The following ARHGAP15 variants were observed in gnomAD, a reference collection of about 807,000 sequenced individuals.
ARHGAP15 encodes the protein rho GTPase-activating protein 15.
Under a neutral mutation model 63.7 loss-of-function variants are expected in ARHGAP15, and 51 were observed. The observed-to-expected ratio is 0.80, with a 90% CI of 0.64 to 1.01. The LOEUF is 1.01. ARHGAP15 is among the 50% of genes least tolerant of loss of function. The pLI, the probability that ARHGAP15 is intolerant of heterozygous loss-of-function variation, is 0.00. For synonymous variants in ARHGAP15, 191 were observed against 193.8 expected (o/e 0.99, Z 0.12); for missense variants, 560 against 564.6 (o/e 0.99, Z 0.08).
intron 2 of ARHGAP15, among the ~76,000 whole-genome samples, chr2:143,201,901 G>A (rs930667656): frequency 2.0e-5 from 3 of 152,052 alleles, no homozygotes; most frequent in African/African-American, 4.8e-5. Flanking sequence ...TGAAGAAAGG[G>A]GTGTCAAGGT....
intron 4 of ARHGAP15, 51 bp from the exon 5 acceptor site, chr2:143,228,530 G>T (rs976422452): frequency 7.7e-7 from 1 of 1,293,226 alleles, no homozygotes. Context: ...ATCTATAAAT[G>T]ATTTCTTCAA....
chr2:143,135,727 T>TC (rs1689109767), intron 1 of ARHGAP15, among the ~76,000 whole-genome samples: 1 of 152,146 alleles, frequency 6.6e-6, no homozygotes, highest in Non-Finnish European at 1.5e-5. Flanking sequence ...ACTTTTTTCT[T>TC]CCAGTTTTCC....
At chr2:143,692,563 G>GA (rs1364468934) in intron 12 of ARHGAP15, among the ~76,000 whole-genome samples, 1 of 152,070 alleles carries the variant, frequency 6.6e-6, no homozygotes, top group Non-Finnish European at 1.5e-5. Flanking sequence ...AAATGAAAAA[G>GA]AATGAAGGAG....
chr2:143,286,446 T>A (rs1461675116), intron 6 of ARHGAP15, among the ~76,000 whole-genome samples: 1 of 152,226 alleles, frequency 6.6e-6, no homozygotes, highest in Non-Finnish European at 1.5e-5. Flanking sequence ...TCTTTGTAAT[T>A]TGACTCTCTT....
intron 3 of ARHGAP15, among the ~76,000 whole-genome samples, chr2:143,209,961 G>C (rs923527252): frequency 6.6e-6 from 1 of 152,090 alleles, no homozygotes; most frequent in Admixed American, 6.6e-5. Context: ...TAGAGAAAAA[G>C]AACACACAGA....
chr2:143,264,919 G>A (rs1279523346), intron 6 of ARHGAP15, among the ~76,000 whole-genome samples: 1 of 152,116 alleles, frequency 6.6e-6, no homozygotes, highest in Non-Finnish European at 1.5e-5. Context: ...GAACATGCAG[G>A]TGGTGCCATT....
At position 143,413,966 on chromosome 2, in the gene ARHGAP15, T is replaced by TGTGTGTGCGCGCGCGCGCGCACGC; in HGVS notation, c.475-21634_475-21633insTGTGTGCGCGCGCGCGCGCACGCG. Among the ~76,000 whole-genome samples, 302 of 117,900 alleles carry TGTGTGTGCGCGCGCGCGCGCACGC rather than the reference T, an allele frequency of 2.6e-3. 3 individuals are homozygous for TGTGTGTGCGCGCGCGCGCGCACGC. Among genetic ancestry groups the TGTGTGTGCGCGCGCGCGCGCACGC allele is most frequent in the African/African-American group, 0.01 (286 of 28,222 alleles). 77.3% of individuals were successfully genotyped at this position (117,900 alleles called of 152,430 possible). On this transcript the variant is annotated intron_variant, in intron 6 of 13. Transcript: ENST00000295095. ...GTGTGTGTGTGTGTGTGTGTGTGTGTGCGCGCTCTCTGGCAGAAAGTTAAT... is the reference window on the plus strand; with the variant it reads ...GTGTGTGTGTGTGTGTGTGTGTGTGTGTGTGTGCGCGCGCGCGCGCACGCGCGCGCTCTCTGGCAGAAAGTTAAT...
chr2:143,456,999 G>T (rs994967928), intron 8 of ARHGAP15, among the ~76,000 whole-genome samples: 1 of 151,896 alleles, frequency 6.6e-6, no homozygotes, highest in Admixed American at 6.6e-5. Flanking sequence ...TTAACAGATG[G>T]TGAGTTAAAA....
chr2:143,617,922 C>T (rs1212408031), intron 11 of ARHGAP15, among the ~76,000 whole-genome samples: 1 of 152,194 alleles, frequency 6.6e-6, no homozygotes, highest in Non-Finnish European at 1.5e-5. Context: ...TAGTCTCCTT[C>T]CATCTCTGTT....
chr2:143,468,024 C>T (rs917873507), intron 8 of ARHGAP15, among the ~76,000 whole-genome samples: 1 of 151,936 alleles, frequency 6.6e-6, no homozygotes, highest in Non-Finnish European at 1.5e-5. Context: ...TTTATTAGAC[C>T]TTTGCTTCCT....
At chr2:143,418,019 ACT>A (rs1488619580) in intron 6 of ARHGAP15, among the ~76,000 whole-genome samples, 1 of 152,190 alleles carries the variant, frequency 6.6e-6, no homozygotes, top group East Asian at 1.9e-4. Flanking sequence ...AGAAACTCAA[ACT>A]AATAGGAATA....
rs770210740 is a variant in ARHGAP15 at position 143,556,416 on chromosome 2, G to A, written c.934G>A (p.Val312Ile). 7 of 1,611,444 alleles carry A rather than the reference G, an allele frequency of 4.3e-6. No homozygotes were observed. Among genetic ancestry groups the A allele is most frequent in the South Asian group, 1.1e-5 (1 of 90,886 alleles). Residue 312 changes from valine (V) to isoleucine (I), a missense_variant, in exon 11 of 14, where the codon GTT becomes ATT. Val to Ile is a conservative substitution (Grantham distance 29). Transcript: ENST00000295095. ...TGCCCTTTTGTCTTCAGGTCTAGAT[G>A]TTGATGGAATATATCGAGTTAGTGG... Reference protein sequence around the residue: ...IEAVEKRGLDVDGIYRVSGNL... With the variant: ...IEAVEKRGLDIDGIYRVSGNL...
chr2:143,387,031 G>C (rs1388859082), intron 6 of ARHGAP15, among the ~76,000 whole-genome samples: 1 of 151,898 alleles, frequency 6.6e-6, no homozygotes, highest in Non-Finnish European at 1.5e-5. Context: ...AGGGAAAGGA[G>C]AAAAAATAAC....
chr2:143,711,878 T>G (rs952959970), intron 13 of ARHGAP15, among the ~76,000 whole-genome samples: 4 of 152,180 alleles, frequency 2.6e-5, no homozygotes, highest in African/African-American at 9.7e-5. Context: ...TACAGTGACC[T>G]ATGATTTTGC....
chr2:143,280,566 G>A (rs897055538), intron 6 of ARHGAP15, among the ~76,000 whole-genome samples: 8 of 152,102 alleles, frequency 5.3e-5, no homozygotes, highest in South Asian at 2.1e-4. Flanking sequence ...GAGTGAACAC[G>A]GGCCTAGCAT....
At chr2:143,462,805 AGACG>A (rs1218242686) in intron 8 of ARHGAP15, among the ~76,000 whole-genome samples, 1 of 151,662 alleles carries the variant, frequency 6.6e-6, no homozygotes, top group Non-Finnish European at 1.5e-5. Flanking sequence ...ATGGATGGAC[AGACG>A]GACAGACAGA....
chr2:143,509,670 C>T (rs960059442), intron 9 of ARHGAP15, among the ~76,000 whole-genome samples: 2 of 152,034 alleles, frequency 1.3e-5, no homozygotes, highest in African/African-American at 4.8e-5. Context: ...GGGCTCATGT[C>T]GTGAGCATTT....
chr2:143,151,099 G>C (rs757965230), intron 1 of ARHGAP15, among the ~76,000 whole-genome samples: 7 of 151,946 alleles, frequency 4.6e-5, no homozygotes, highest in Non-Finnish European at 1.0e-4. Flanking sequence ...GGAGTTCCTC[G>C]TTCTCTTTGA....
chr2:143,311,221 G>A (rs948128813), intron 6 of ARHGAP15, among the ~76,000 whole-genome samples: 2 of 151,412 alleles, frequency 1.3e-5, no homozygotes, highest in African/African-American at 4.9e-5. Context: ...AAAGTAATAA[G>A]CACACGGTGT....
Sources: gnomAD v4.1 joint callset for allele counts (sites outside exome capture counted in the v4.1 genomes callset) on GRCh38, gnomAD v4.1.1 for gene constraint, MANE v1.5 for transcripts, NCBI Gene and HGNC (gene_info 2026-07-23, HGNC 2026-07-21) for gene names.